The following CFAP221 variants were observed in gnomAD, a reference collection of about 807,000 sequenced individuals.
CFAP221 encodes cilia- and flagella-associated protein 221.
CFAP221 carries 97 observed loss-of-function variants against 113.1 expected under a neutral mutation model. The observed-to-expected ratio is 0.86, with a 90% CI of 0.73 to 1.02. CFAP221 has a LOEUF of 1.02. Among genes scored for constraint, CFAP221 ranks in the 50% least tolerant of loss-of-function variants. The pLI, the probability that CFAP221 is intolerant of heterozygous loss-of-function variation, is 0.00. For synonymous variants in CFAP221, 331 were observed against 354.4 expected (o/e 0.93, Z 0.74); for missense variants, 1,025 against 1,013.4 (o/e 1.01, Z -0.16).
intron 5 of CFAP221, among the ~76,000 whole-genome samples, chr2:119,560,370 A>G (rs1016165472): frequency 1.3e-5 from 2 of 152,220 alleles, no homozygotes; most frequent in Non-Finnish European, 2.9e-5. Context: ...CTTAAATGCT[A>G]GGTTGAAAAA....
chr2:119,614,720 G>A (rs1380195022), intron 13 of CFAP221, among the ~76,000 whole-genome samples: 2 of 152,176 alleles, frequency 1.3e-5, no homozygotes, highest in Admixed American at 6.5e-5. Flanking sequence ...TGAGATTTGG[G>A]TGGGGACACA....
intron 3 of CFAP221, among the ~76,000 whole-genome samples, chr2:119,552,915 T>C (rs1680529930): frequency 6.6e-6 from 1 of 152,174 alleles, no homozygotes; most frequent in African/African-American, 2.4e-5. Flanking sequence ...AGTTGTACTC[T>C]CTGGTTGATG....
intron 1 of CFAP221, 87 bp from the exon 2 acceptor site, chr2:119,545,998 A>G: frequency 1.0e-6 from 1 of 993,584 alleles, no homozygotes; most frequent in Non-Finnish European, 1.4e-6. Context: ...AGTAAACCAC[A>G]CAGAGACGAG....
chr2:119,618,801 C>T (rs1245203394), intron 14 of CFAP221, among the ~76,000 whole-genome samples: 1 of 152,140 alleles, frequency 6.6e-6, no homozygotes, highest in African/African-American at 2.4e-5. Context: ...CGGCGAATCC[C>T]ACCCCCATGG....
intron 6 of CFAP221, among the ~76,000 whole-genome samples, chr2:119,568,841 TA>T (rs1681833745): frequency 6.6e-6 from 1 of 152,206 alleles, no homozygotes; most frequent in Admixed American, 6.5e-5. Context: ...CATATTATAT[TA>T]ATTTTCTCTA....
At chr2:119,575,762 A>G (rs942090856) in intron 6 of CFAP221, among the ~76,000 whole-genome samples, 1 of 152,220 alleles carries the variant, frequency 6.6e-6, no homozygotes, top group African/African-American at 2.4e-5. Flanking sequence ...TGTACATTTT[A>G]CCACATTTGT....
At chr2:119,564,402 A>T (rs974841178) in intron 6 of CFAP221, among the ~76,000 whole-genome samples, 2 of 152,212 alleles carry the variant, frequency 1.3e-5, no homozygotes, top group African/African-American at 4.8e-5. Context: ...TAAATAATAC[A>T]TATAAAATAA....
intron 6 of CFAP221, among the ~76,000 whole-genome samples, chr2:119,570,423 A>T (rs1374266742): frequency 6.6e-6 from 1 of 152,232 alleles, no homozygotes; most frequent in Admixed American, 6.5e-5. Flanking sequence ...CTAATTTAAA[A>T]TGTACGATTC....
Position 119,630,902 on chromosome 2 carries a change from G to A in CFAP221, c.1974+1G>A. The A allele has an allele frequency of 6.2e-7, 1 of 1,611,806 alleles. No individual in the cohort carries two copies. Among genetic ancestry groups the A allele is most frequent in the Non-Finnish European group, 8.5e-7 (1 of 1,178,054 alleles). On this transcript the variant is annotated splice_donor_variant, in intron 19 of 23. Coordinates refer to ENST00000413369, the MANE Select transcript of CFAP221 (RefSeq NM_001271049.2). LOFTEE classifies it high-confidence loss of function. The stretch of plus-strand genomic sequence containing the variant: ...AGATTATGATCCTCTGTATGTTTTT[G>A]TAAGTGACAACTGGCAGAAGCCTTG...
At chr2:119,582,264 T>G (rs1427327776) in intron 6 of CFAP221, among the ~76,000 whole-genome samples, 1 of 152,194 alleles carries the variant, frequency 6.6e-6, no homozygotes, top group East Asian at 1.9e-4. Flanking sequence ...TAAATTTAAC[T>G]AATTAACCAT....
At chr2:119,633,061 AT>A in intron 19 of CFAP221, among the ~76,000 whole-genome samples, 1 of 152,120 alleles carries the variant, frequency 6.6e-6, no homozygotes, top group African/African-American at 2.4e-5. Context: ...TCATTCATAC[AT>A]TATGGTCAAC....
intron 6 of CFAP221, among the ~76,000 whole-genome samples, chr2:119,579,412 T>C (rs537340439): frequency 6.6e-6 from 1 of 152,334 alleles, no homozygotes; most frequent in East Asian, 1.9e-4. Flanking sequence ...GGATTCTGTC[T>C]CTTTAAATAT....
At chr2:119,601,426 A>T in intron 8 of CFAP221, 49 bp downstream of exon 8, 1 of 1,411,832 alleles carries the variant, frequency 7.1e-7, no homozygotes, top group Non-Finnish European at 9.3e-7. Context: ...CTTTTTTGAA[A>T]ATCCAAGTCT....
chr2:119,546,160 G>A lies in CFAP221; in HGVS notation c.29G>A (p.Gly10Glu). 2 of 1,535,346 alleles carry A rather than the reference G, an allele frequency of 1.3e-6. No individual in the cohort carries two copies. The highest frequency in any genetic ancestry group is 1.2e-5 in the South Asian group (1 of 83,852). The change falls in exon 2 of 24, where the codon GGA (glycine) becomes GAA (glutamate). Residue 10 changes from glycine (G) to glutamate (E), a missense_variant. Gly to Glu is a moderately conservative substitution (Grantham distance 98). Coordinates refer to ENST00000413369, the MANE Select transcript of CFAP221 (RefSeq NM_001271049.2). ...GCAGTGGTGAAAACCCCCAGCAGAG[G>A]ACTAAAGAATGCTAAAGAACCCTTT... MAVVKTPSR[G>E]LKNAKEPFNN...
chr2:119,655,199 G>A (rs1688358085), intron 23 of CFAP221, among the ~76,000 whole-genome samples: 1 of 152,176 alleles, frequency 6.6e-6, no homozygotes, highest in South Asian at 2.1e-4. Flanking sequence ...GAGATTCTCT[G>A]CTGCCTGGAC....
Position 119,559,923 on chromosome 2 carries a change from T to C in CFAP221, c.328-5T>C, listed in dbSNP as rs1272418698. Reference sequence around the variant, plus strand: ...TGTCCCAACAAGATGCCACCTGTCTTCCAGGAACACCACCTGGTCCCTGGC... The same window carrying C: ...TGTCCCAACAAGATGCCACCTGTCTCCCAGGAACACCACCTGGTCCCTGGC... On this transcript the variant is annotated splice_polypyrimidine_tract_variant and splice_region_variant and intron_variant, in intron 4 of 23. Coordinates refer to ENST00000413369, the MANE Select transcript of CFAP221 (RefSeq NM_001271049.2). The C allele has an allele frequency of 6.5e-6, 10 of 1,534,690 alleles. No homozygotes were observed. The highest frequency in any genetic ancestry group is 8.7e-6 in the Non-Finnish European group (10 of 1,145,692).
In CFAP221 at chr2:119,638,394, CA is replaced by C; in HGVS notation, c.2114del (p.Lys705SerfsTer13). On this transcript the variant is annotated frameshift_variant, in exon 20 of 24. Transcript: ENST00000413369. LOFTEE classifies it high-confidence loss of function. ...SRHGSSIPVT[Q>X]KQFLHHTDII... ...CCACGGGTCCAGCATTCCTGTCACC[CA>C]AAAGCAGTTTCTCCATCACACGGTA... 6.2e-7 allele frequency: 1 copy of C among 1,614,128 alleles called. No individual in the cohort carries two copies. Among genetic ancestry groups the C allele is most frequent in the East Asian group, 2.2e-5 (1 of 44,880 alleles).
chr2:119,569,078 T>A (rs1242515319), intron 6 of CFAP221, among the ~76,000 whole-genome samples: 5 of 151,018 alleles, frequency 3.3e-5, no homozygotes, highest in Admixed American at 1.3e-4. Context: ...GTAATTCTTA[T>A]CTTTGTTTCT....
intron 12 of CFAP221, among the ~76,000 whole-genome samples, chr2:119,608,995 A>G (rs970768684): frequency 2.6e-5 from 4 of 152,228 alleles, no homozygotes; most frequent in Non-Finnish European, 4.4e-5. Context: ...CAGGACCCAC[A>G]TCAGAGACAG....
Sources: allele counts gnomAD v4.1 joint callset (sites outside exome capture counted in the v4.1 genomes callset), GRCh38; gene constraint gnomAD v4.1.1; transcripts MANE v1.5; gene names NCBI Gene and HGNC (gene_info 2026-07-23, HGNC 2026-07-21).